The following STEAP4 variants were observed in gnomAD, a reference collection of about 807,000 sequenced individuals.
The protein encoded by STEAP4 is STEAP4 metalloreductase, also known as metalloreductase STEAP4.
In STEAP4, 36 loss-of-function variants were observed where a neutral mutation model predicts 43.6. The observed-to-expected ratio is 0.83, with a 90% CI of 0.63 to 1.09. The LOEUF is 1.09. STEAP4 is among the 50% of genes least tolerant of loss of function. STEAP4 has a pLI of 0.00. For synonymous variants in STEAP4, 191 were observed against 196.7 expected, an observed-to-expected ratio of 0.97 and a Z score of 0.24; for missense variants, 495 against 546.5, an observed-to-expected ratio of 0.91 and a Z score of 0.94.
chr7:88,299,018 G>T (rs1353612994), intron 1 of STEAP4, among the ~76,000 whole-genome samples: 4 of 152,082 alleles, frequency 2.6e-5, no homozygotes, highest in Non-Finnish European at 5.9e-5. Flanking sequence ...TACATGAATT[G>T]CTAACAACTA....
intron 1 of STEAP4, among the ~76,000 whole-genome samples, chr7:88,289,574 C>A (rs1322673875): frequency 6.6e-6 from 1 of 152,170 alleles, no homozygotes; most frequent in African/African-American, 2.4e-5. Flanking sequence ...AAGTTGCACG[C>A]CTCCATCAAA....
rs758552066 is a variant in STEAP4, at chr7:88,279,420, C to T, written c.1358G>A (p.Trp453Ter). The change falls in exon 5 of 5, where the codon TGG (tryptophan) becomes TAG (stop). Residue 453 changes from tryptophan to a stop codon, truncating the protein, a stop_gained. Coordinates refer to ENST00000380079, the MANE Select transcript of STEAP4 (RefSeq NM_024636.4). LOFTEE classifies it high-confidence loss of function. The stretch of plus-strand genomic sequence containing the variant: ...TTTCTAGTGTTTTGAGTTCCTTTCC[C>T]AGCCCTGGCGGATCCTTGTAAGGGT... Reference protein sequence around the residue: ...DNTLTRIRQGWERNSKH With the variant: ...DNTLTRIRQG The T allele has an allele frequency of 3.0e-5, 49 of 1,613,780 alleles. No homozygotes were observed. Among genetic ancestry groups the T allele is most frequent in the Non-Finnish European group, 4.1e-5 (48 of 1,179,950 alleles).
rs2115920508 is a variant in STEAP4 at position 88,271,626 on chromosome 7, A to C, written c.*7772T>G. 6.6e-6 allele frequency: 1 copy of C among 152,348 alleles called. No homozygotes were observed. The highest frequency in any genetic ancestry group is 2.4e-5 in the African/African-American group (1 of 41,590). The allele number at this position is 152,348 out of a possible 1,614,324, so 9.4% of individuals were successfully genotyped here. On this transcript the variant is annotated 3_prime_UTR_variant, in exon 5 of 5. Coordinates refer to ENST00000380079, the MANE Select transcript of STEAP4 (RefSeq NM_024636.4). Reference sequence around the variant, plus strand: ...TTATTCATGAAAAACAAGAAAAACAAATAGCAATGCTTCTTTTTCATCTCA... The same window carrying C: ...TTATTCATGAAAAACAAGAAAAACACATAGCAATGCTTCTTTTTCATCTCA...
chr7:88,284,833 A>G (rs1001104168), intron 1 of STEAP4, among the ~76,000 whole-genome samples: 1 of 152,186 alleles, frequency 6.6e-6, no homozygotes, highest in African/African-American at 2.4e-5. Flanking sequence ...GTTAAAATTC[A>G]ACATTTATTC....
chr7:88,279,225 C>T lies in STEAP4; in HGVS notation c.*173G>A. ...CCTGAGATAAAATGGTGTTCTCTTC[C>T]AGTATGTCAGTCAATTTCTCAAAGA... On this transcript the variant is annotated 3_prime_UTR_variant, in exon 5 of 5. Coordinates refer to ENST00000380079, the MANE Select transcript of STEAP4 (RefSeq NM_024636.4). 2 of 617,914 alleles carry T rather than the reference C, an allele frequency of 3.2e-6. No homozygotes were observed. Among genetic ancestry groups the T allele is most frequent in the Non-Finnish European group, 5.6e-6 (2 of 354,098 alleles). 38.3% of individuals were successfully genotyped at this position (617,914 alleles called of 1,614,324 possible).
At chr7:88,294,573 G>T (rs941509297) in intron 1 of STEAP4, among the ~76,000 whole-genome samples, 2 of 152,056 alleles carry the variant, frequency 1.3e-5, no homozygotes, top group African/African-American at 4.8e-5. Flanking sequence ...TGTGTAAGCA[G>T]CCTGGGGCCA....
Position 88,279,169 on chromosome 7 carries a change from G to C in STEAP4, c.*229C>G. ...AGCTCCATGGCCTCTGGGAAAATAA[G>C]AGTCAGGGACCTGCACTGATTCTTC... On this transcript the variant is annotated 3_prime_UTR_variant, in exon 5 of 5. Coordinates refer to ENST00000380079, the MANE Select transcript of STEAP4 (RefSeq NM_024636.4). The C allele has an allele frequency of 1.9e-6, 1 of 518,826 alleles. No homozygotes were observed. Among genetic ancestry groups the C allele is most frequent in the Non-Finnish European group, 3.5e-6 (1 of 289,178 alleles). 32.1% of individuals were successfully genotyped at this position (518,826 alleles called of 1,614,324 possible).
intron 1 of STEAP4, 43 bp from the exon 2 acceptor site, chr7:88,284,314 C>A: frequency 1.5e-6 from 2 of 1,363,744 alleles, no homozygotes; most frequent in South Asian, 2.8e-5. Context: ...TATAAATGCT[C>A]TGTGCCTGGA....
At chr7:88,301,895 G>A (rs1324624000) in intron 1 of STEAP4, among the ~76,000 whole-genome samples, 1 of 152,098 alleles carries the variant, frequency 6.6e-6, no homozygotes, top group Non-Finnish European at 1.5e-5. Context: ...TCTTTAAAAC[G>A]AATTAGAATA....
rs746266808 is a variant in STEAP4 at position 88,282,631 on chromosome 7, A to G, written c.984+10T>C. Reference sequence around the variant, plus strand: ...CAGGAGCAGAAGAAAATATATAAGAAGAGATTTACCTGGGTAACGGTTAAG... The same window carrying G: ...CAGGAGCAGAAGAAAATATATAAGAGGAGATTTACCTGGGTAACGGTTAAG... On this transcript the variant is annotated intron_variant, in intron 3 of 4. Transcript: ENST00000380079. 6.2e-7 allele frequency: 1 copy of G among 1,605,086 alleles called. No homozygotes were observed. Among genetic ancestry groups the G allele is most frequent in the Non-Finnish European group, 8.5e-7 (1 of 1,174,366 alleles).
chr7:88,286,126 GACA>G, intron 1 of STEAP4, among the ~76,000 whole-genome samples: 1 of 152,288 alleles, frequency 6.6e-6, no homozygotes, highest in East Asian at 1.9e-4. Flanking sequence ...ACCAAATCAA[GACA>G]ACAATTGTCT....
chr7:88,289,079 TG>T (rs1443073854), intron 1 of STEAP4, among the ~76,000 whole-genome samples: 3 of 151,976 alleles, frequency 2.0e-5, no homozygotes, highest in Non-Finnish European at 2.9e-5. Context: ...TGTGTGTGTG[TG>T]TATGTGTGTG....
At position 88,276,481 on chromosome 7, in the gene STEAP4, T is replaced by C. The variant is rs769990359; in HGVS notation, c.*2917A>G. The C allele has an allele frequency of 9.8e-5, 15 of 152,336 alleles. No homozygotes were observed. Among genetic ancestry groups the C allele is most frequent in the Non-Finnish European group, 1.8e-4 (12 of 68,034 alleles). 9.4% of individuals were successfully genotyped at this position (152,336 alleles called of 1,614,324 possible). On this transcript the variant is annotated 3_prime_UTR_variant, in exon 5 of 5. Coordinates refer to ENST00000380079, the MANE Select transcript of STEAP4 (RefSeq NM_024636.4). ...CACATTTATAAAAGCCATCATCCCT[T>C]AACATGGGGAAAGTGTACAAAAATA...
chr7:88,296,099 G>A (rs1385416490), intron 1 of STEAP4, among the ~76,000 whole-genome samples: 1 of 152,134 alleles, frequency 6.6e-6, no homozygotes, highest in Non-Finnish European at 1.5e-5. Context: ...ACCTTAAAGA[G>A]TTGTCTTCCA....
chr7:88,279,277 G>A lies in STEAP4; in HGVS notation c.*121C>T. 1 of 833,562 alleles carries A rather than the reference G, an allele frequency of 1.2e-6. No homozygotes were observed. Among genetic ancestry groups the A allele is most frequent in the South Asian group, 1.8e-5 (1 of 56,856 alleles). 51.6% of individuals were successfully genotyped at this position (833,562 alleles called of 1,614,324 possible). A position where few individuals can be genotyped will look rare whatever the true frequency, so the allele number is the denominator to read the frequency against. ...AAGCAATGTTTCCCTCAGTCACGGT[G>A]TAAGAAAAAAACTTTCCTAACTGTA... is the stretch of plus-strand genomic sequence containing the variant. On this transcript the variant is annotated 3_prime_UTR_variant, in exon 5 of 5. Transcript: ENST00000380079.
At chr7:88,288,207 G>A (rs1005000071) in intron 1 of STEAP4, among the ~76,000 whole-genome samples, 12 of 152,224 alleles carry the variant, frequency 7.9e-5, no homozygotes, top group African/African-American at 2.2e-4. Context: ...TTTCGTTCTC[G>A]TTGCCCAGGC....
Position 88,274,979 on chromosome 7 carries a change from G to A in STEAP4, c.*4419C>T, listed in dbSNP as rs1852491008. The A allele has an allele frequency of 6.6e-6, 1 of 152,222 alleles. No individual in the cohort carries two copies. The highest frequency in any genetic ancestry group is 2.4e-5 in the African/African-American group (1 of 41,436). The allele number at this position is 152,222 out of a possible 1,614,324, so 9.4% of individuals were successfully genotyped here. A position where few individuals can be genotyped will look rare whatever the true frequency, so the allele number is the denominator to read the frequency against. ...TTGGACGGCTTCTTTATTGCATCCT[G>A]TTTTATCAGCAAGGTCTTTGTGACC... On this transcript the variant is annotated 3_prime_UTR_variant, in exon 5 of 5. Coordinates refer to ENST00000380079, the MANE Select transcript of STEAP4 (RefSeq NM_024636.4).
chr7:88,289,101 T>C (rs1407188772), intron 1 of STEAP4, among the ~76,000 whole-genome samples: 1 of 152,080 alleles, frequency 6.6e-6, no homozygotes, highest in East Asian at 1.9e-4. Flanking sequence ...TGTTTGTGTG[T>C]GTCTATTGTT....
intron 1 of STEAP4, among the ~76,000 whole-genome samples, chr7:88,296,944 T>C (rs926679847): frequency 3.3e-5 from 5 of 152,150 alleles, no homozygotes; most frequent in African/African-American, 1.2e-4. Context: ...TTTTCTAACA[T>C]TTTTTGGACA....
Sources: gnomAD v4.1 joint callset for allele counts (sites outside exome capture counted in the v4.1 genomes callset) on GRCh38, gnomAD v4.1.1 for gene constraint, MANE v1.5 for transcripts, NCBI Gene and HGNC (gene_info 2026-07-23, HGNC 2026-07-21) for gene names.